The following KCNQ1 variants were observed in gnomAD, a reference collection of about 807,000 sequenced individuals.
KCNQ1 encodes potassium voltage-gated channel subfamily KQT member 1.
Under a neutral mutation model 72.4 loss-of-function variants are expected in KCNQ1, and 49 were observed. That is an observed-to-expected ratio of 0.68 (90% CI 0.54 to 0.86). The LOEUF (loss-of-function observed/expected upper bound fraction) is 0.86. Ranked by LOEUF, KCNQ1 falls within the 40% of genes least tolerant of loss-of-function variation. The probability of loss-of-function intolerance (pLI) is 0.00; values close to 1 mark genes in which losing one functional copy is unlikely to be tolerated. For missense variants in KCNQ1, 790 were observed against 945.1 expected, an observed-to-expected ratio of 0.84 and a Z score of 2.15; for synonymous variants, 450 against 412.6, an observed-to-expected ratio of 1.09 and a Z score of -1.10.
intron 15 of KCNQ1, among the ~76,000 whole-genome samples, chr11:2,789,760 G>A (rs573474503): frequency 3.9e-5 from 6 of 152,334 alleles, no homozygotes; most frequent in South Asian, 2.1e-4. Flanking sequence ...ATTGAGATGC[G>A]CCAGGTAGTT....
intron 12 of KCNQ1, among the ~76,000 whole-genome samples, chr11:2,775,057 C>T (rs1160960265): frequency 6.6e-6 from 1 of 152,232 alleles, no homozygotes; most frequent in African/African-American, 2.4e-5. Flanking sequence ...TACCCTGGGC[C>T]TCACCCGGTC....
At chr11:2,574,845 G>A (rs981939630) in intron 6 of KCNQ1, among the ~76,000 whole-genome samples, 40 of 152,316 alleles carry the variant, frequency 2.6e-4, no homozygotes, top group Admixed American at 6.5e-4. Context: ...GCCTCTTCCC[G>A]CCTTCCTGGG....
At position 2,673,879 on chromosome 11, in the gene KCNQ1, G is replaced by C. The variant is rs1850235078; in HGVS notation, c.1514+11798G>C. ...TATGAAGAGGGACTTCCTGAAAGCA[G>C]GCACAGGAAGGGATGGGAGCTCAGC... On this transcript the variant is annotated intron_variant, in intron 11 of 15. Coordinates refer to ENST00000155840, the MANE Select transcript of KCNQ1 (RefSeq NM_000218.3). The surrounding 1 kb of genome is among the most constrained non-coding windows in gnomAD (Gnocchi z 4.5). 1 of 398,528 alleles carries C rather than the reference G, an allele frequency of 2.5e-6. No individual in the cohort carries two copies. Among genetic ancestry groups the C allele is most frequent in the African/African-American group, 2.1e-5 (1 of 48,580 alleles). 24.7% of individuals were successfully genotyped at this position (398,528 alleles called of 1,614,324 possible). A position where few individuals can be genotyped will look rare whatever the true frequency, so the allele number is the denominator to read the frequency against.
chr11:2,802,249 C>T (rs545752418), intron 15 of KCNQ1, among the ~76,000 whole-genome samples: 1 of 152,342 alleles, frequency 6.6e-6, no homozygotes, highest in South Asian at 2.1e-4. Flanking sequence ...CCTCTGTCCT[C>T]ACAGTGACAG....
At chr11:2,837,410 C>T (rs2134077599) in intron 15 of KCNQ1, among the ~76,000 whole-genome samples, 2 of 152,294 alleles carry the variant, frequency 1.3e-5, no homozygotes, top group Middle Eastern at 6.8e-3. Context: ...AGCCTCCGTT[C>T]CCAGACACGC....
At chr11:2,744,531 C>T (rs1312907281) in intron 11 of KCNQ1, among the ~76,000 whole-genome samples, 1 of 152,224 alleles carries the variant, frequency 6.6e-6, no homozygotes, top group Non-Finnish European at 1.5e-5. Flanking sequence ...CCCTCACTCT[C>T]TCATTCATTC....
intron 10 of KCNQ1, chr11:2,640,586 A>G: frequency 2.5e-6 from 1 of 396,018 alleles, no homozygotes; most frequent in Non-Finnish European, 4.4e-6. Flanking sequence ...TTTGACCGAT[A>G]CATAATACTT....
chr11:2,485,192 G>A (rs530813003), intron 1 of KCNQ1, among the ~76,000 whole-genome samples: 1 of 152,150 alleles, frequency 6.6e-6, no homozygotes, highest in African/African-American at 2.4e-5. Flanking sequence ...CTGTTAGGTT[G>A]GTATTCCATT....
chr11:2,553,753 T>C (rs1390866196), intron 2 of KCNQ1, among the ~76,000 whole-genome samples: 2 of 152,138 alleles, frequency 1.3e-5, no homozygotes, highest in Admixed American at 6.5e-5. Context: ...CTTGGTCTTT[T>C]TGCCCAAGCT....
intron 11 of KCNQ1, chr11:2,665,565 A>T (rs1322980042): frequency 5.1e-6 from 2 of 394,416 alleles, no homozygotes; most frequent in Non-Finnish European, 8.9e-6. Flanking sequence ...CCAGATTTCC[A>T]TTCATCTTTC....
At chr11:2,840,038 G>A (rs1042319156) in intron 15 of KCNQ1, 4 of 152,216 alleles carry the variant, frequency 2.6e-5, no homozygotes, top group African/African-American at 9.6e-5. Context: ...CCCCCGAACT[G>A]CCCAGTCAAA....
At chr11:2,705,679 G>A (rs1223217180) in intron 11 of KCNQ1, among the ~76,000 whole-genome samples, 1 of 152,224 alleles carries the variant, frequency 6.6e-6, no homozygotes. Flanking sequence ...GGGAAAAGTG[G>A]GCCCAGGCCT....
At chr11:2,548,825 C>A (rs189253379) in intron 2 of KCNQ1, among the ~76,000 whole-genome samples, 2 of 152,336 alleles carry the variant, frequency 1.3e-5, no homozygotes, top group Non-Finnish European at 2.9e-5. Flanking sequence ...AGACACACAG[C>A]CTGACTTGGC....
chr11:2,488,428 G>T lies in KCNQ1; in HGVS notation c.387-39500G>T, dbSNP rs7125401. 0.77 allele frequency among the ~76,000 whole-genome samples: 117,787 copies of T among 152,128 alleles called. 45,580 individuals carry two copies. Among genetic ancestry groups the T allele is most frequent in the Middle Eastern group, 0.79 (231 of 294 alleles). Reference sequence around the variant, plus strand: ...TTTTTTGGGAAAGATTGAGAAGGATGGGAGTTTATTCTTTAAATATTTGGT... The same window carrying T: ...TTTTTTGGGAAAGATTGAGAAGGATTGGAGTTTATTCTTTAAATATTTGGT... On this transcript the variant is annotated intron_variant, in intron 1 of 15. Coordinates refer to ENST00000155840, the MANE Select transcript of KCNQ1 (RefSeq NM_000218.3). The surrounding 1 kb of genome is among the most constrained non-coding windows in gnomAD (Gnocchi z 5.1).
Position 2,486,061 on chromosome 11 carries a change from A to T in KCNQ1, c.386+40577A>T, listed in dbSNP as rs188503807. ...TCAATTCTTTTGGGTATATACCCAG[A>T]AGTGGAATTTCTGGATTATATGGTA... On this transcript the variant is annotated intron_variant, in intron 1 of 15. Transcript: ENST00000155840. This position sits in a 1 kb window ranked among gnomAD's most constrained non-coding sequence, Gnocchi z 5.0. Among the ~76,000 whole-genome samples the T allele has an allele frequency of 1.4e-3, 212 of 152,356 alleles. No individual in the cohort carries two copies. The highest frequency in any genetic ancestry group is 4.9e-3 in the African/African-American group (203 of 41,576).
In KCNQ1 at chr11:2,608,164, A is replaced by AT. The variant is rs1848911831; in HGVS notation, c.1393+19317dup. ...ATTGGAAAAATTTTCCTTCTCTTCT[A>AT]TTTTTTTGTTGTTGGAAGAGGTCAT... is the stretch of plus-strand genomic sequence containing the variant. On this transcript the variant is annotated intron_variant, in intron 10 of 15. Transcript: ENST00000155840. This position sits in a 1 kb window ranked among gnomAD's most constrained non-coding sequence, Gnocchi z 4.6. 6.6e-6 allele frequency among the ~76,000 whole-genome samples: 1 copy of AT among 151,942 alleles called. No homozygotes were observed. The highest frequency in any genetic ancestry group is 2.1e-4 in the South Asian group (1 of 4,824).
At chr11:2,615,038 G>A (rs1031044434) in intron 10 of KCNQ1, 16 of 398,176 alleles carry the variant, frequency 4.0e-5, no homozygotes, top group Non-Finnish European at 6.2e-5. Flanking sequence ...AGGATGTATA[G>A]TTCTATTTAT....
rs1205836758 is a variant in KCNQ1, at chr11:2,673,240, AC to A, written c.1514+11160del. On this transcript the variant is annotated intron_variant, in intron 11 of 15. Coordinates refer to ENST00000155840, the MANE Select transcript of KCNQ1 (RefSeq NM_000218.3). The surrounding 1 kb of genome is among the most constrained non-coding windows in gnomAD (Gnocchi z 4.5). ...GCTGAGTCCCCTGTAGATTCTGGGG[AC>A]TGGGTGATGCAGACTGCAAAGCCTC... The A allele has an allele frequency of 1.8e-5, 7 of 398,562 alleles. No homozygotes were observed. Among genetic ancestry groups the A allele is most frequent in the Non-Finnish European group, 3.1e-5 (7 of 226,084 alleles). 24.7% of individuals were successfully genotyped at this position (398,562 alleles called of 1,614,324 possible). A position where few individuals can be genotyped will look rare whatever the true frequency, so the allele number is the denominator to read the frequency against.
At chr11:2,574,797 C>T (rs1848395566) in intron 6 of KCNQ1, among the ~76,000 whole-genome samples, 1 of 152,228 alleles carries the variant, frequency 6.6e-6, no homozygotes, top group African/African-American at 2.4e-5. Context: ...CAGGGGCATG[C>T]TGACACAGCT....
Sources: gnomAD v4.1 joint callset for allele counts (sites outside exome capture counted in the v4.1 genomes callset) on GRCh38, gnomAD v4.1.1 for gene constraint, Gnocchi (gnomAD v3.1) non-coding constraint, MANE v1.5 for transcripts, NCBI Gene and HGNC (gene_info 2026-07-23, HGNC 2026-07-21) for gene names.